CASP9: variants seen among roughly 807,000 people sequenced by gnomAD.
CASP9 encodes caspase 9, also known as caspase-9.
A neutral mutation model predicts 43.5 loss-of-function variants in CASP9; 29 were observed. The observed-to-expected ratio is 0.67, with a 90% CI of 0.50 to 0.91. The LOEUF is 0.91. CASP9 is among the 40% of genes least tolerant of loss of function. The pLI is 0.00. For missense variants in CASP9, 575 were observed against 537.4 expected, an observed-to-expected ratio of 1.07 and a Z score of -0.69; for synonymous variants, 206 against 211.9, an observed-to-expected ratio of 0.97 and a Z score of 0.24.
upstream of CASP9, chr1:15,524,458 C>T: frequency 1.8e-6 from 2 of 1,116,210 alleles, no homozygotes; most frequent in Admixed American, 5.1e-5. Context: ...CTCCCATCAC[C>T]GCGCCGCCCC....
At chr1:15,507,598 TGA>T (rs1208604122) in intron 3 of CASP9, among the ~76,000 whole-genome samples, 6 of 152,366 alleles carry the variant, frequency 3.9e-5, no homozygotes, top group African/African-American at 1.2e-4. Context: ...TACTTGTGAA[TGA>T]GAGAGTGGCG....
At chr1:15,493,411 T>G in intron 8 of CASP9, 1 of 1,226,644 alleles carries the variant, frequency 8.2e-7, no homozygotes. Flanking sequence ...TGAGTCGGGT[T>G]TCTATGGAGT....
rs186272276 is a variant in CASP9, at chr1:15,501,572, T to A, written c.868+3039A>T. 1.5e-4 allele frequency among the ~76,000 whole-genome samples: 23 copies of A among 152,304 alleles called. No individual in the cohort carries two copies. The East Asian group carries it at 4.3e-3, about 28-fold the overall frequency. On this transcript the variant is annotated intron_variant, in intron 6 of 8. Coordinates refer to ENST00000333868, the MANE Select transcript of CASP9 (RefSeq NM_001229.5). ...AACGGGGACCTTTCTATTTCTGCTC[T>A]CAGCTGACGTGGCGCCACCATGTGG... is the stretch of plus-strand genomic sequence containing the variant.
upstream of CASP9, chr1:15,524,664 C>T: frequency 9.5e-7 from 1 of 1,049,120 alleles, no homozygotes; most frequent in Non-Finnish European, 1.1e-6. Context: ...CAAGGATTCG[C>T]TCTTGCGTCA....
chr1:15,505,830 C>T (rs1709497294), intron 5 of CASP9, among the ~76,000 whole-genome samples, 160 bp downstream of exon 5: 1 of 152,224 alleles, frequency 6.6e-6, no homozygotes, highest in African/African-American at 2.4e-5. Context: ...CAGAGGACCA[C>T]ATGGCTCCCA....
Position 15,492,697 on chromosome 1 carries a change from A to G in CASP9, c.*246T>C, listed in dbSNP as rs568113600. ...ATGGGACACAAGTCACTAGCCCTGG[A>G]CCAGCCACTGCTCAAGAGGCCACGT... On this transcript the variant is annotated 3_prime_UTR_variant, in exon 9 of 9. Coordinates refer to ENST00000333868, the MANE Select transcript of CASP9 (RefSeq NM_001229.5). 51 of 558,784 alleles carry G rather than the reference A, an allele frequency of 9.1e-5. No homozygotes were observed. The African/African-American group carries it at 9.4e-4, about 10-fold the overall frequency. The allele number at this position is 558,784 out of a possible 1,614,324, so 34.6% of individuals were successfully genotyped here.
At chr1:15,500,546 A>G (rs1709286094) in intron 6 of CASP9, among the ~76,000 whole-genome samples, 1 of 152,092 alleles carries the variant, frequency 6.6e-6, no homozygotes, top group Admixed American at 6.5e-5. Context: ...ATTCTGCCCC[A>G]TGTTTTTTGC....
At chr1:15,500,397 G>A (rs1029786389) in intron 6 of CASP9, among the ~76,000 whole-genome samples, 3 of 152,168 alleles carry the variant, frequency 2.0e-5, no homozygotes, top group African/African-American at 7.2e-5. Flanking sequence ...GGAGCTGGGG[G>A]CCCATCTGGC....
At chr1:15,522,943 T>C (rs916367827) in intron 1 of CASP9, among the ~76,000 whole-genome samples, 2 of 152,192 alleles carry the variant, frequency 1.3e-5, no homozygotes, top group Non-Finnish European at 2.9e-5. Context: ...ATTTTATTAT[T>C]AATGAATAAT....
At chr1:15,508,048 G>A (rs1557545041) in intron 2 of CASP9, 141 bp from the exon 3 acceptor site, 2 of 771,758 alleles carry the variant, frequency 2.6e-6, no homozygotes, top group Non-Finnish European at 4.4e-6. Context: ...AGCCACCTTG[G>A]AGATCTGTTT....
chr1:15,493,456 G>T, intron 8 of CASP9: 1 of 1,264,466 alleles, frequency 7.9e-7, no homozygotes, highest in Non-Finnish European at 1.0e-6. Flanking sequence ...TTCCCTATCT[G>T]TTTCCTCACT....
At chr1:15,513,828 C>T (rs949492279) in intron 2 of CASP9, among the ~76,000 whole-genome samples, 1 of 152,124 alleles carries the variant, frequency 6.6e-6, no homozygotes, top group Non-Finnish European at 1.5e-5. Flanking sequence ...ATCCCAACTC[C>T]AACACTTAGC....
intron 2 of CASP9, among the ~76,000 whole-genome samples, chr1:15,510,993 G>A (rs577536092): frequency 1.3e-5 from 2 of 152,316 alleles, no homozygotes; most frequent in African/African-American, 4.8e-5. Flanking sequence ...CAGCAGAAGA[G>A]TTCCCACAAG....
intron 2 of CASP9, among the ~76,000 whole-genome samples, chr1:15,508,908 C>T (rs1434340403): frequency 1.3e-5 from 2 of 152,218 alleles, no homozygotes; most frequent in African/African-American, 4.8e-5. Flanking sequence ...AAGTAGGCAA[C>T]ATGGCACTGG....
At chr1:15,523,193 C>T (rs1236501948) in intron 1 of CASP9, among the ~76,000 whole-genome samples, 2 of 152,230 alleles carry the variant, frequency 1.3e-5, no homozygotes, top group African/African-American at 4.8e-5. Context: ...TCCAAAACCT[C>T]TTAACAAAAC....
At chr1:15,506,786 C>T (rs1709540020) in intron 4 of CASP9, 113 bp downstream of exon 4, 2 of 868,602 alleles carry the variant, frequency 2.3e-6, no homozygotes, top group Non-Finnish European at 3.6e-6. Flanking sequence ...CTCCCATGGT[C>T]CTCCAGATGT....
chr1:15,517,446 A>T (rs1011468271), intron 2 of CASP9, among the ~76,000 whole-genome samples: 1 of 152,104 alleles, frequency 6.6e-6, no homozygotes, highest in African/African-American at 2.4e-5. Flanking sequence ...ATGGAAAGAG[A>T]GTCAACGGTC....
chr1:15,517,970 G>A lies in CASP9; in HGVS notation c.418+140C>T, dbSNP rs1473256771. On this transcript the variant is annotated intron_variant, in intron 2 of 8. Transcript: ENST00000333868. Reference sequence around the variant, plus strand: ...GATTCAACCTCCTGAAAACCTCCCAGAATTTTGCCATCCCTATGAACATTC... The same window carrying A: ...GATTCAACCTCCTGAAAACCTCCCAAAATTTTGCCATCCCTATGAACATTC... 3.1e-6 allele frequency: 3 copies of A among 982,046 alleles called. No homozygotes were observed. In the East Asian group the frequency reaches 7.4e-5, roughly 24 times the overall value. The allele number at this position is 982,046 out of a possible 1,614,324, so 60.8% of individuals were successfully genotyped here.
chr1:15,495,788 G>A (rs576090567), intron 6 of CASP9, among the ~76,000 whole-genome samples: 2 of 152,256 alleles, frequency 1.3e-5, no homozygotes, highest in South Asian at 4.1e-4. Context: ...CTTTACAGAG[G>A]CATCACCCCT....
Sources: allele counts gnomAD v4.1 joint callset (sites outside exome capture counted in the v4.1 genomes callset), GRCh38; gene constraint gnomAD v4.1.1; transcripts MANE v1.5; gene names NCBI Gene and HGNC (gene_info 2026-07-23, HGNC 2026-07-21).